Variants in TSC22D1 observed in about 807,000 individuals in gnomAD.
The protein encoded by TSC22D1 is TSC22 domain family member 1.
Under a neutral mutation model 74.2 loss-of-function variants are expected in TSC22D1, and 9 were observed. The observed-to-expected ratio is 0.12, with a 90% CI of 0.07 to 0.21. The LOEUF (loss-of-function observed/expected upper bound fraction) is 0.21. Among genes scored for constraint, TSC22D1 ranks in the 10% least tolerant of loss-of-function variants. The pLI is 1.00. For synonymous variants in TSC22D1, 586 were observed against 492.5 expected, an observed-to-expected ratio of 1.19 and a Z score of -2.51; for missense variants, 1,427 against 1,304.7, an observed-to-expected ratio of 1.09 and a Z score of -1.44.
At chr13:44,491,635 A>T (rs1878730739) in intron 1 of TSC22D1, among the ~76,000 whole-genome samples, 1 of 152,200 alleles carries the variant, frequency 6.6e-6, no homozygotes, top group South Asian at 2.1e-4. Flanking sequence ...AATCCAAAAA[A>T]ATCCAATAGA....
intron 1 of TSC22D1, among the ~76,000 whole-genome samples, chr13:44,460,264 TTAAAG>T (rs1238476319): frequency 2.0e-5 from 3 of 152,218 alleles, no homozygotes; most frequent in East Asian, 1.9e-4. Flanking sequence ...AAATTACTCC[TTAAAG>T]TAGAGAGTTG....
chr13:44,478,501 T>C (rs2137925914), intron 1 of TSC22D1, among the ~76,000 whole-genome samples: 1 of 152,304 alleles, frequency 6.6e-6, no homozygotes, highest in African/African-American at 2.4e-5. Flanking sequence ...AGAGTGTATA[T>C]GCTTTATTGT....
intron 1 of TSC22D1, among the ~76,000 whole-genome samples, chr13:44,476,114 A>G (rs1348280496): frequency 6.6e-6 from 1 of 152,256 alleles, no homozygotes; most frequent in African/African-American, 2.4e-5. Context: ...TATAATTAAT[A>G]AAAACTAATA....
At chr13:44,496,734 A>G (rs964851104) in intron 1 of TSC22D1, among the ~76,000 whole-genome samples, 3 of 152,002 alleles carry the variant, frequency 2.0e-5, no homozygotes, top group Non-Finnish European at 2.9e-5. Context: ...GCATAGTGGT[A>G]TACACCTGCA....
intron 1 of TSC22D1, among the ~76,000 whole-genome samples, chr13:44,475,221 T>C (rs547082189): frequency 6.6e-6 from 1 of 152,034 alleles, no homozygotes; most frequent in South Asian, 2.1e-4. Flanking sequence ...ATTAAAAAAA[T>C]TTTGTAGTAG....
At chr13:44,550,374 G>A (rs1219224039) in intron 1 of TSC22D1, among the ~76,000 whole-genome samples, 2 of 152,042 alleles carry the variant, frequency 1.3e-5, no homozygotes, top group African/African-American at 4.8e-5. Context: ...CTGAGGTCAG[G>A]AGTTCGAGAC....
At chr13:44,573,040 TG>T in intron 1 of TSC22D1, 122 bp downstream of exon 1, 1 of 1,386,868 alleles carries the variant, frequency 7.2e-7, no homozygotes, top group Non-Finnish European at 9.5e-7. Flanking sequence ...CCCATAAAAA[TG>T]CATTTTTCAC....
At chr13:44,536,093 T>C (rs1284914912) in intron 1 of TSC22D1, among the ~76,000 whole-genome samples, 1 of 151,876 alleles carries the variant, frequency 6.6e-6, no homozygotes, top group African/African-American at 2.4e-5. Flanking sequence ...ACTTACCAGG[T>C]TAATAAAGCC....
At chr13:44,565,270 A>G (rs74068241) in intron 1 of TSC22D1, among the ~76,000 whole-genome samples, 1 of 152,274 alleles carries the variant, frequency 6.6e-6, no homozygotes, top group African/African-American at 2.4e-5. Flanking sequence ...CTGACAGAAG[A>G]GAGAAACCTG....
intron 1 of TSC22D1, among the ~76,000 whole-genome samples, chr13:44,509,757 T>C (rs1879602496): frequency 6.6e-6 from 1 of 151,790 alleles, no homozygotes; most frequent in Non-Finnish European, 1.5e-5. Context: ...TTTTTCACCA[T>C]GAAAAAACAT....
intron 1 of TSC22D1, among the ~76,000 whole-genome samples, chr13:44,443,151 G>A (rs1433268786): frequency 1.3e-5 from 2 of 151,772 alleles, no homozygotes; most frequent in African/African-American, 2.4e-5. Context: ...TGAAGAAGTC[G>A]ACAAGGTGTA....
chr13:44,437,302 C>T (rs1292176015), intron 1 of TSC22D1: 1 of 973,268 alleles, frequency 1.0e-6, no homozygotes, highest in South Asian at 4.7e-5. Flanking sequence ...TGTAAGACTT[C>T]GAGTGTCTTG....
intron 1 of TSC22D1, among the ~76,000 whole-genome samples, chr13:44,457,961 T>A (rs902112071): frequency 6.6e-6 from 1 of 152,260 alleles, no homozygotes; most frequent in African/African-American, 2.4e-5. Context: ...CAACTGACAC[T>A]GTTTCATATT....
chr13:44,489,758 A>T (rs1022371984), intron 1 of TSC22D1, among the ~76,000 whole-genome samples: 18 of 152,234 alleles, frequency 1.2e-4, no homozygotes, highest in African/African-American at 4.3e-4. Context: ...ATATCCAAAT[A>T]GTCTGTCTGC....
intron 1 of TSC22D1, among the ~76,000 whole-genome samples, chr13:44,540,496 G>GCTTATGA (rs777832905): frequency 1.3e-5 from 2 of 152,106 alleles, no homozygotes; most frequent in Non-Finnish European, 2.9e-5. Flanking sequence ...TTTTATGAAA[G>GCTTATGA]CTTATGACTA....
chr13:44,455,988 C>T (rs2138931679), intron 1 of TSC22D1, among the ~76,000 whole-genome samples: 1 of 152,284 alleles, frequency 6.6e-6, no homozygotes, highest in African/African-American at 2.4e-5. Flanking sequence ...ACTCAATACT[C>T]AAAAAGTACA....
upstream of TSC22D1, chr13:44,576,696 G>A (rs577291327): frequency 6.5e-6 from 1 of 152,982 alleles, no homozygotes; most frequent in East Asian, 1.9e-4. Context: ...TGCTCGGTGA[G>A]GAAACGCTGG....
chr13:44,573,297 C>A lies in TSC22D1; in HGVS notation c.2778G>T (p.Gln926His), dbSNP rs569626805. The A allele has an allele frequency of 5.0e-6, 8 of 1,614,234 alleles. No individual in the cohort carries two copies. In the Admixed American group the frequency reaches 8.3e-5, roughly 17 times the overall value. The change falls in exon 1 of 3, where the codon CAG (glutamine) becomes CAT (histidine). Residue 926 changes from glutamine to histidine, a missense_variant. Gln to His is a conservative substitution (Grantham distance 24). Transcript: ENST00000458659. Reference protein sequence around the residue: ...AAEPSLVGLPQTISGDSGGMS... With the variant: ...AAEPSLVGLPHTISGDSGGMS... The stretch of plus-strand genomic sequence containing the variant: ...TTCCCCCACTGTCACCACTGATAGT[C>A]TGAGGTAAGCCAACTAAGGAGGGCT...
At chr13:44,514,262 AG>A (rs1348434495) in intron 1 of TSC22D1, among the ~76,000 whole-genome samples, 1 of 152,198 alleles carries the variant, frequency 6.6e-6, no homozygotes, top group Non-Finnish European at 1.5e-5. Context: ...GGAAAAAAAA[AG>A]AATCAATAAA....
Sources: allele counts gnomAD v4.1 joint callset (sites outside exome capture counted in the v4.1 genomes callset), GRCh38; gene constraint gnomAD v4.1.1; transcripts MANE v1.5; gene names NCBI Gene and HGNC (gene_info 2026-07-23, HGNC 2026-07-21).